Variants in EYS observed in about 807,000 individuals in gnomAD.
The protein encoded by EYS is protein eyes shut homolog.
Under a neutral mutation model 282.1 loss-of-function variants are expected in EYS, and 250 were observed. The observed-to-expected ratio is 0.89, with a 90% CI of 0.80 to 0.98. The LOEUF is 0.98. Ranked by LOEUF, EYS falls within the 50% of genes least tolerant of loss-of-function variation. The pLI, the probability that EYS is intolerant of heterozygous loss-of-function variation, is 0.00. For synonymous variants in EYS, 1,355 were observed against 1,282.9 expected, an observed-to-expected ratio of 1.06 and a Z score of -1.20; for missense variants, 4,016 against 3,709.0, an observed-to-expected ratio of 1.08 and a Z score of -2.15.
At chr6:64,845,260 C>T (rs1048123815) in intron 19 of EYS, among the ~76,000 whole-genome samples, 4 of 151,948 alleles carry the variant, frequency 2.6e-5, no homozygotes, top group Non-Finnish European at 5.9e-5. Flanking sequence ...CACTACACTC[C>T]TGCCTGGGTG....
intron 2 of EYS, among the ~76,000 whole-genome samples, chr6:65,497,550 A>G (rs1451972466): frequency 6.6e-6 from 1 of 152,002 alleles, no homozygotes; most frequent in African/African-American, 2.4e-5. Context: ...ATTAAAGATA[A>G]GCACTCCATT....
At chr6:65,591,750 C>A (rs1765241891) in intron 2 of EYS, among the ~76,000 whole-genome samples, 1 of 151,990 alleles carries the variant, frequency 6.6e-6, no homozygotes, top group Non-Finnish European at 1.5e-5. Context: ...ACTTGACATG[C>A]CTTTGCGTTG....
At chr6:64,347,929 C>T (rs1457136208) in intron 29 of EYS, among the ~76,000 whole-genome samples, 1 of 151,326 alleles carries the variant, frequency 6.6e-6, no homozygotes, top group African/African-American at 2.4e-5. Context: ...TCAACCTCTA[C>T]TCACTGATGA....
Position 64,624,441 on chromosome 6 carries a change from C to A in EYS, c.3568+1680G>T, listed in dbSNP as rs146330023. ...CCATAGAGTATGAAGTGTTTGTGGG[C>A]ACAATAAAGATATTTTTTGCTTGAA... On this transcript the variant is annotated intron_variant, in intron 23 of 42. Transcript: ENST00000503581. Among the ~76,000 whole-genome samples the A allele has an allele frequency of 1.6e-4, 24 of 152,150 alleles. 1 individual carries two copies. The East Asian group carries it at 4.6e-3, about 29-fold the overall frequency.
In EYS at chr6:65,296,011, G is replaced by A. The variant is rs1768653710; in HGVS notation, c.1875C>T (p.His625=). 6.4e-7 allele frequency: 1 copy of A among 1,551,140 alleles called. No homozygotes were observed. The highest frequency in any genetic ancestry group is 8.7e-7 in the Non-Finnish European group (1 of 1,146,522). ...SVHGLCLALS[H]NCNCSGLQRY... ...TTTGCAGACCGCTACAGTTACAATTGTGCGAAAGGGCCAGGCAGAGGCCAT... is the reference window on the plus strand; with the variant it reads ...TTTGCAGACCGCTACAGTTACAATTATGCGAAAGGGCCAGGCAGAGGCCAT... The change falls in exon 12 of 43, where the codon CAC becomes CAT. Residue 625 remains histidine, a synonymous_variant. Transcript: ENST00000503581.
chr6:65,491,400 T>C (rs1766038004), intron 4 of EYS: 1 of 310,792 alleles, frequency 3.2e-6, no homozygotes, highest in Non-Finnish European at 6.4e-6. Flanking sequence ...GCATAGCAAG[T>C]GGACAAATGC....
chr6:64,223,142 T>C (rs1766152680), intron 31 of EYS, among the ~76,000 whole-genome samples: 1 of 151,982 alleles, frequency 6.6e-6, no homozygotes, highest in Non-Finnish European at 1.5e-5. Flanking sequence ...CCTGGAACCA[T>C]TAAAAATTAA....
chr6:64,591,324 G>A lies in EYS; in HGVS notation c.4543C>T (p.Arg1515Trp), dbSNP rs62415827. Residue 1515 changes from arginine (R) to tryptophan (W), a missense_variant, in exon 26 of 43, where the codon CGG becomes TGG. By Grantham distance (101) the Arg-to-Trp change is moderately radical (BLOSUM62 -3). Transcript: ENST00000503581. ...GGATTGAAGGCTTTTGTACTGAACCGGTGCAGAGCTGATGAGTTTAAGATG... is the reference window on the plus strand; with the variant it reads ...GGATTGAAGGCTTTTGTACTGAACCAGTGCAGAGCTGATGAGTTTAAGATG... ...VTILNSSALH[R>W]FSTKAFNPSE... The A allele has an allele frequency of 0.13, 200,366 of 1,550,706 alleles. 13,830 individuals carry two copies. The highest frequency in any genetic ancestry group is 0.15 in the East Asian group (6,018 of 40,870).
At chr6:64,840,170 G>A (rs1273514117) in intron 19 of EYS, among the ~76,000 whole-genome samples, 2 of 151,960 alleles carry the variant, frequency 1.3e-5, no homozygotes, top group African/African-American at 2.4e-5. Flanking sequence ...CAACACATCC[G>A]TAAAGCAGTC....
intron 36 of EYS, among the ~76,000 whole-genome samples, chr6:63,813,661 A>AT (rs748752082): frequency 7.2e-5 from 11 of 152,054 alleles, no homozygotes; most frequent in Non-Finnish European, 1.5e-4. Flanking sequence ...CCTGTGGGTG[A>AT]TTTTTTCTTG....
intron 5 of EYS, among the ~76,000 whole-genome samples, chr6:65,467,562 G>C (rs1765049513): frequency 6.6e-6 from 1 of 151,632 alleles, no homozygotes; most frequent in Non-Finnish European, 1.5e-5. Flanking sequence ...CCATATGAGA[G>C]AAACTATCAT....
chr6:65,588,027 T>C (rs1211153575), intron 2 of EYS, among the ~76,000 whole-genome samples: 3 of 152,206 alleles, frequency 2.0e-5, no homozygotes, highest in Admixed American at 6.6e-5. Flanking sequence ...TTAGAGAAGA[T>C]TGAGGAAATA....
intron 5 of EYS, among the ~76,000 whole-genome samples, chr6:65,467,637 C>T (rs920894072): frequency 6.6e-6 from 1 of 151,954 alleles, no homozygotes; most frequent in African/African-American, 2.4e-5. Flanking sequence ...CATGAATTAA[C>T]AGTATACTGT....
At chr6:65,416,599 T>C (rs1018447114) in intron 5 of EYS, among the ~76,000 whole-genome samples, 3 of 152,004 alleles carry the variant, frequency 2.0e-5, no homozygotes, top group African/African-American at 7.2e-5. Flanking sequence ...AAAATCACAA[T>C]GAATAAAAGA....
At chr6:65,007,322 C>T (rs1382521686) in intron 13 of EYS, among the ~76,000 whole-genome samples, 1 of 152,110 alleles carries the variant, frequency 6.6e-6, no homozygotes, top group East Asian at 1.9e-4. Flanking sequence ...AAAAATGCCC[C>T]TAAGATGTAT....
chr6:65,506,911 C>A (rs1766680831), intron 2 of EYS, among the ~76,000 whole-genome samples: 1 of 152,088 alleles, frequency 6.6e-6, no homozygotes, highest in Non-Finnish European at 1.5e-5. Flanking sequence ...TTCACCTATC[C>A]ATAGGCTACA....
At chr6:64,097,321 C>G (rs1403640938) in intron 31 of EYS, among the ~76,000 whole-genome samples, 1 of 152,186 alleles carries the variant, frequency 6.6e-6, no homozygotes, top group Admixed American at 6.5e-5. Context: ...TTTCTGCTGC[C>G]TTTTGTTTAG....
chr6:63,842,253 A>G (rs571631385), intron 36 of EYS, among the ~76,000 whole-genome samples: 1 of 152,222 alleles, frequency 6.6e-6, no homozygotes, highest in Non-Finnish European at 1.5e-5. Context: ...CTATTTTTCC[A>G]CATCCTCTCC....
intron 35 of EYS, among the ~76,000 whole-genome samples, chr6:63,884,428 T>C (rs1416657397): frequency 6.6e-6 from 1 of 152,176 alleles, no homozygotes; most frequent in Non-Finnish European, 1.5e-5. Context: ...GGGTATGTAC[T>C]ATCAGGGGAC....
Sources: gnomAD v4.1 joint callset for allele counts (sites outside exome capture counted in the v4.1 genomes callset) on GRCh38, gnomAD v4.1.1 for gene constraint, MANE v1.5 for transcripts, NCBI Gene and HGNC (gene_info 2026-07-23, HGNC 2026-07-21) for gene names.